MUS81: variants seen among roughly 807,000 people sequenced by gnomAD.
The protein encoded by MUS81 is MUS81 structure-specific endonuclease subunit, also known as structure-specific endonuclease subunit MUS81.
MUS81 carries 69 observed loss-of-function variants against 74.2 expected under a neutral mutation model. That is an observed-to-expected ratio of 0.93 (90% confidence interval 0.77 to 1.14). MUS81 has a LOEUF of 1.14. Among genes scored for constraint, MUS81 ranks in the 50% most tolerant of loss-of-function variants. MUS81 has a pLI of 0.00. For missense variants in MUS81, 711 were observed against 726.5 expected, an observed-to-expected ratio of 0.98 and a Z score of 0.25; for synonymous variants, 303 against 300.6, an observed-to-expected ratio of 1.01 and a Z score of -0.08.
At chr11:65,867,649 T>C (rs749426147), downstream of MUS81, 68 of 625,076 alleles carry the variant, frequency 1.1e-4, no homozygotes, top group Non-Finnish European at 1.5e-4. Flanking sequence ...GTACCAGGAC[T>C]CAAACTCCCG....
chr11:65,866,959 C>T (rs1406164569), downstream of MUS81: 1 of 1,614,200 alleles, frequency 6.2e-7, no homozygotes, highest in South Asian at 1.1e-5. Flanking sequence ...AGCCTCAGTA[C>T]AGAGCTGGCC....
Position 65,863,890 on chromosome 11 carries a change from C to T in MUS81, c.1048C>T (p.Arg350Trp), listed in dbSNP as rs34891773. 42,231 of 1,614,054 alleles carry T rather than the reference C, an allele frequency of 0.026. 664 individuals carry two copies. The highest frequency in any genetic ancestry group is 0.032 in the Non-Finnish European group (38,041 of 1,179,972). The change falls in exon 10 of 16, where the codon CGG becomes TGG. Residue 350 changes from arginine (R) to tryptophan (W), a missense_variant. Physicochemically the swap from Arg to Trp is moderately radical, Grantham distance 101 (BLOSUM62 -3). Transcript: ENST00000308110. ...LCSSIIDGRF[R>W]EQKFRLKRCG... ...CAGCAGCATCATCGACGGCCGCTTC[C>T]GGGAGCAGAAGGTAATTTTGCTGGC...
rs775065066 is a variant in MUS81 at position 65,863,881 on chromosome 11, G to A, written c.1039G>A (p.Gly347Ser). 6.2e-6 allele frequency: 10 copies of A among 1,613,996 alleles called. No homozygotes were observed. Among genetic ancestry groups the A allele is most frequent in the Non-Finnish European group, 8.5e-6 (10 of 1,180,008 alleles). The change falls in exon 10 of 16, where the codon GGC becomes AGC. Residue 347 changes from glycine to serine, a missense_variant. Coordinates refer to ENST00000308110, the MANE Select transcript of MUS81 (RefSeq NM_025128.5). ...LDDLCSSIID[G>S]RFREQKFRLK... is the part of the protein sequence containing the mutation. ...TGACCTTTGCAGCAGCATCATCGAC[G>A]GCCGCTTCCGGGAGCAGAAGGTAAT...
Position 65,862,272 on chromosome 11 carries a change from C to A in MUS81, c.512C>A (p.Ser171Tyr), listed in dbSNP as rs200286461. Residue 171 changes from serine (S) to tyrosine (Y), a missense_variant, in exon 5 of 16, where the codon TCC becomes TAC. Ser to Tyr is a moderately radical substitution (Grantham distance 144). Transcript: ENST00000308110. ...CTGCTGCAGAGGTGTGCTCAGAAGT[C>A]CCCCAGGGTGAGCACAGGGATCAGG... ...EELLQRCAQKSPRVAPGSARP... is the reference protein window; with the variant it reads ...EELLQRCAQKYPRVAPGSARP... The A allele has an allele frequency of 5.8e-5, 93 of 1,613,686 alleles. No homozygotes were observed. The highest frequency in any genetic ancestry group is 7.5e-5 in the Non-Finnish European group (88 of 1,179,946).
intron 4 of MUS81, 63 bp downstream of exon 4, chr11:65,862,108 G>A (rs1480888811): frequency 1.9e-6 from 3 of 1,593,106 alleles, no homozygotes; most frequent in Non-Finnish European, 2.6e-6. Context: ...TCCCCGAGGG[G>A]CCTGGCCCAG....
chr11:65,863,359 C>A, intron 7 of MUS81, 51 bp from the exon 8 acceptor site: 1 of 1,608,444 alleles, frequency 6.2e-7, no homozygotes. Context: ...TGTGGGGCAA[C>A]TGCCCTGGCA....
chr11:65,861,107 G>C lies in MUS81; in HGVS notation c.265+5G>C. 6.2e-7 allele frequency: 1 copy of C among 1,612,286 alleles called. No individual in the cohort carries two copies. Among genetic ancestry groups the C allele is most frequent in the Non-Finnish European group, 8.5e-7 (1 of 1,179,906 alleles). ...AGCGGCACCGAACATCGGGCGGTGAGCGCCTCGGAAAGGGGTCGGTGATCC... is the reference window on the plus strand; with the variant it reads ...AGCGGCACCGAACATCGGGCGGTGACCGCCTCGGAAAGGGGTCGGTGATCC... On this transcript the variant is annotated splice_donor_5th_base_variant and intron_variant, in intron 2 of 15. Transcript: ENST00000308110.
chr11:65,865,365 T>G lies in MUS81; in HGVS notation c.1505+42T>G, dbSNP rs761071856. On this transcript the variant is annotated intron_variant, in intron 14 of 15. Coordinates refer to ENST00000308110, the MANE Select transcript of MUS81 (RefSeq NM_025128.5). The stretch of plus-strand genomic sequence containing the variant: ...CCTTAGGTGTCCTCAGCCCCTGCCC[T>G]CCATGCATGGAATTCACCTTAATCC... The G allele has an allele frequency of 1.1e-5, 17 of 1,569,410 alleles. No homozygotes were observed. The African/African-American group carries it at 2.2e-4, about 20-fold the overall frequency.
chr11:65,859,862 A>C (rs1859513211), upstream of MUS81, among the ~76,000 whole-genome samples: 1 of 152,146 alleles, frequency 6.6e-6, no homozygotes, highest in Non-Finnish European at 1.5e-5. Context: ...AAAATGACGA[A>C]GTGTTCTCCC....
At chr11:65,860,326 A>G, upstream of MUS81, 1 of 466,224 alleles carries the variant, frequency 2.1e-6, no homozygotes, top group Non-Finnish European at 4.3e-6. Context: ...AGAGCCGCCA[A>G]GCTCAGGTTA....
Position 65,863,063 on chromosome 11 carries a change from A to G in MUS81, c.606-2A>G. The G allele has an allele frequency of 6.2e-7, 1 of 1,614,058 alleles. No homozygotes were observed. Among genetic ancestry groups the G allele is most frequent in the Non-Finnish European group, 8.5e-7 (1 of 1,180,018 alleles). On this transcript the variant is annotated splice_acceptor_variant, in intron 6 of 15. Transcript: ENST00000308110. LOFTEE classifies it high-confidence loss of function. ...AGCTGTGTTGTCCCCTCTGCCTCCC[A>G]GGTACTCATTGACCCCAGAGGGCCT...
Position 65,863,883 on chromosome 11 carries a change from C to T in MUS81, c.1041C>T (p.Gly347=), listed in dbSNP as rs762306393. ...ACCTTTGCAGCAGCATCATCGACGG[C>T]CGCTTCCGGGAGCAGAAGGTAATTT... ...LDDLCSSIID[G]RFREQKFRLK... is the part of the protein sequence containing the mutation. Residue 347 remains glycine (G), a synonymous_variant, in exon 10 of 16, where the codon GGC becomes GGT. Coordinates refer to ENST00000308110, the MANE Select transcript of MUS81 (RefSeq NM_025128.5). 15 of 1,614,134 alleles carry T rather than the reference C, an allele frequency of 9.3e-6. No homozygotes were observed. The highest frequency in any genetic ancestry group is 6.7e-5 in the East Asian group (3 of 44,884).
chr11:65,864,254 C>T (rs748921635), intron 10 of MUS81: 152 of 589,436 alleles, frequency 2.6e-4, no homozygotes, highest in Non-Finnish European at 3.7e-4. Context: ...GGCCATGTGC[C>T]GGCCCAGGGG....
intron 3 of MUS81, 39 bp downstream of exon 3, chr11:65,861,474 G>C: frequency 6.5e-7 from 1 of 1,531,034 alleles, no homozygotes; most frequent in Non-Finnish European, 8.8e-7. Context: ...CAAAGTGGGA[G>C]TGCGGGAGTA....
Position 65,860,712 on chromosome 11 carries a change from G to C in MUS81, c.-42G>C, listed in dbSNP as rs1280733085. The C allele has an allele frequency of 5.2e-6, 8 of 1,532,570 alleles. No individual in the cohort carries two copies. The highest frequency in any genetic ancestry group is 2.0e-5 in the Admixed American group (1 of 50,894). The allele number at this position is 1,532,570 out of a possible 1,614,324, so 94.9% of individuals were successfully genotyped here. On this transcript the variant is annotated 5_prime_UTR_variant, in exon 1 of 16. Transcript: ENST00000308110. ...CGACTCCAGAACTGGCGGCGTCCCA[G>C]TCCCGCGGGCGTGGAGCGCCGGAGG... is the stretch of plus-strand genomic sequence containing the variant.
intron 14 of MUS81, 77 bp downstream of exon 14, chr11:65,865,400 G>A (rs1440613635): frequency 7.0e-7 from 1 of 1,424,604 alleles, no homozygotes; most frequent in African/African-American, 1.4e-5. Flanking sequence ...CATGCTTCGT[G>A]GAGGGGGCCT....
In MUS81 at chr11:65,862,481, G is replaced by T. The variant is rs758183083; in HGVS notation, c.557G>T (p.Arg186Leu). Residue 186 changes from arginine to leucine, a missense_variant, in exon 6 of 16, where the codon CGC becomes CTC. By Grantham distance (102) the Arg-to-Leu change is moderately radical (BLOSUM62 -2). Coordinates refer to ENST00000308110, the MANE Select transcript of MUS81 (RefSeq NM_025128.5). Reference sequence around the variant, plus strand: ...AGTGCTCGACCCTGGCCAGCCCTCCGCTCCCTCCTTCACAGGAACCTGGTC... The same window carrying T: ...AGTGCTCGACCCTGGCCAGCCCTCCTCTCCCTCCTTCACAGGAACCTGGTC... ...PGSARPWPALRSLLHRNLVLR... is the reference protein window; with the variant it reads ...PGSARPWPALLSLLHRNLVLR... 5 of 1,613,782 alleles carry T rather than the reference G, an allele frequency of 3.1e-6. No homozygotes were observed. In the South Asian group the frequency reaches 3.3e-5, roughly 11 times the overall value.
chr11:65,867,266 C>CCAGCAGGAGA, downstream of MUS81: 1 of 652,694 alleles, frequency 1.5e-6, no homozygotes, highest in Non-Finnish European at 2.6e-6. Flanking sequence ...GGCTCCTGCC[C>CCAGCAGGAGA]TCAGAAATCT....
chr11:65,861,451 G>C lies in MUS81; in HGVS notation c.351+16G>C, dbSNP rs1334730147. On this transcript the variant is annotated intron_variant, in intron 3 of 15. Transcript: ENST00000308110. ...TTCCATGCCAGTGAGGAAGGGGCAA[G>C]GGGAGTGGAAGGCAAAGTGGGAGTG... 6.3e-7 allele frequency: 1 copy of C among 1,584,780 alleles called. No individual in the cohort carries two copies. The highest frequency in any genetic ancestry group is 2.3e-5 in the East Asian group (1 of 43,850).
Sources: allele counts gnomAD v4.1 joint callset (sites outside exome capture counted in the v4.1 genomes callset), GRCh38; gene constraint gnomAD v4.1.1; transcripts MANE v1.5; gene names NCBI Gene and HGNC (gene_info 2026-07-23, HGNC 2026-07-21).